The following TIMM17A variants were observed in gnomAD, a reference collection of about 807,000 sequenced individuals.
TIMM17A encodes translocase of inner mitochondrial membrane 17A, also known as mitochondrial import inner membrane translocase subunit Tim17-A.
Under a neutral mutation model 26.5 loss-of-function variants are expected in TIMM17A, and 15 were observed. The ratio of observed to expected loss-of-function variants is 0.57; its 90% CI spans 0.38 to 0.87. TIMM17A has a LOEUF of 0.87. Ranked by LOEUF, TIMM17A falls within the 40% of genes least tolerant of loss-of-function variation. The pLI, the probability that TIMM17A is intolerant of heterozygous loss-of-function variation, is 0.00. For missense variants in TIMM17A, 201 were observed against 210.0 expected (o/e 0.96, Z 0.27); for synonymous variants, 80 against 70.8 (o/e 1.13, Z -0.66).
At chr1:201,968,575 A>G (rs1191756049) in intron 5 of TIMM17A, among the ~76,000 whole-genome samples, 1 of 151,262 alleles carries the variant, frequency 6.6e-6, no homozygotes, top group Non-Finnish European at 1.5e-5. Context: ...TATTTTCAGT[A>G]GAGACGGGGT....
chr1:201,965,537 C>T lies in TIMM17A; in HGVS notation c.424C>T (p.Pro142Ser), dbSNP rs1459668155. Residue 142 changes from proline (P) to serine (S), a missense_variant, in exon 5 of 6, where the codon CCC becomes TCC. By Grantham distance (74) the Pro-to-Ser change is moderately conservative (BLOSUM62 -1). Transcript: ENST00000367287. ...GACAAGATTTGCCTCTGCACAGTTT[C>T]CCAATGGTGAGTCTTTTTGCTTAAA... is the stretch of plus-strand genomic sequence containing the variant. ...LLTRFASAQFPNGPQFAEDPS... is the reference protein window; with the variant it reads ...LLTRFASAQFSNGPQFAEDPS... The T allele has an allele frequency of 3.7e-6, 6 of 1,603,350 alleles. No individual in the cohort carries two copies. In the East Asian group the frequency reaches 8.9e-5, roughly 24 times the overall value.
At chr1:201,959,733 C>T (rs975613383) in intron 3 of TIMM17A, among the ~76,000 whole-genome samples, 3 of 150,318 alleles carry the variant, frequency 2.0e-5, no homozygotes, top group African/African-American at 4.9e-5. Context: ...CCAGCACTTT[C>T]GGAGGCCGAG....
intron 3 of TIMM17A, chr1:201,963,281 A>G: frequency 5.4e-6 from 1 of 186,110 alleles, no homozygotes. Context: ...TCGCCATGTT[A>G]GCCAGGCTGG....
At position 201,957,569 on chromosome 1, in the gene TIMM17A, TAGG is replaced by T. The variant is rs1436685129; in HGVS notation, c.189_190+1del. On this transcript the variant is annotated inframe_deletion and splice_region_variant, in exon 3 of 6. Transcript: ENST00000367287. ...GCTATTAAAACCAGGGCTCCACAGT[TAGG>T]AGGTAAGCAGAATTTTCATTTTAAC... 1 of 1,612,642 alleles carries T rather than the reference TAGG, an allele frequency of 6.2e-7. No individual in the cohort carries two copies. The highest frequency in any genetic ancestry group is 1.7e-5 in the Admixed American group (1 of 59,900).
At chr1:201,965,256 A>G (rs945925293) in intron 4 of TIMM17A, among the ~76,000 whole-genome samples, 177 bp from the exon 5 acceptor site, 1 of 152,178 alleles carries the variant, frequency 6.6e-6, no homozygotes, top group Non-Finnish European at 1.5e-5. Flanking sequence ...ATTTACAAAA[A>G]TAGGCAGTGG....
chr1:201,961,088 G>A (rs953880375), intron 3 of TIMM17A, among the ~76,000 whole-genome samples: 4 of 136,154 alleles, frequency 2.9e-5, no homozygotes, highest in Admixed American at 7.9e-5. Context: ...TTTTTGAAAC[G>A]GAATTTCGCT....
At chr1:201,960,158 G>C (rs1038295910) in intron 3 of TIMM17A, among the ~76,000 whole-genome samples, 7 of 152,050 alleles carry the variant, frequency 4.6e-5, no homozygotes, top group African/African-American at 7.2e-5. Flanking sequence ...CCAGCACTTC[G>C]GGAGGCTGAG....
chr1:201,967,530 TTTTA>T (rs1048100968), intron 5 of TIMM17A, among the ~76,000 whole-genome samples: 2 of 150,668 alleles, frequency 1.3e-5, no homozygotes, highest in African/African-American at 4.9e-5. Context: ...TATTTATTTA[TTTTA>T]TTTATTTATT....
At chr1:201,955,596 C>A in intron 1 of TIMM17A, 44 bp downstream of exon 1, 1 of 1,613,848 alleles carries the variant, frequency 6.2e-7, no homozygotes, top group Non-Finnish European at 8.5e-7. Context: ...CCCCCCTGCC[C>A]ACTGCCCTCC....
chr1:201,961,926 C>T (rs775640174), intron 3 of TIMM17A, among the ~76,000 whole-genome samples: 5 of 151,916 alleles, frequency 3.3e-5, no homozygotes, highest in African/African-American at 1.2e-4. Flanking sequence ...AGGCTGCCTT[C>T]CTTGAGAATC....
At position 201,969,515 on chromosome 1, in the gene TIMM17A, A is replaced by T; in HGVS notation, c.477A>T (p.Leu159Phe). ...EDPSQLPSTQ[L>F]PSSPFGDYRQ... ...CCTCCCAGTTGCCTTCAACTCAGTT[A>T]CCTTCCTCACCTTTTGGAGACTATC... The change falls in exon 6 of 6, where the codon TTA becomes TTT. Residue 159 changes from leucine (L) to phenylalanine (F), a missense_variant. By Grantham distance (22) the Leu-to-Phe change is conservative. Coordinates refer to ENST00000367287, the MANE Select transcript of TIMM17A (RefSeq NM_006335.3). 1 of 1,613,988 alleles carries T rather than the reference A, an allele frequency of 6.2e-7. No homozygotes were observed. The highest frequency in any genetic ancestry group is 8.5e-7 in the Non-Finnish European group (1 of 1,179,950).
chr1:201,957,689 C>CA, intron 3 of TIMM17A, 115 bp downstream of exon 3: 1 of 833,380 alleles, frequency 1.2e-6, no homozygotes, highest in East Asian at 2.6e-5. Flanking sequence ...AACGGTTTGT[C>CA]ACAAACATAT....
rs1302887757 is a variant in TIMM17A at position 201,969,646 on chromosome 1, G to A, written c.*92G>A. 1 of 1,097,744 alleles carries A rather than the reference G, an allele frequency of 9.1e-7. No individual in the cohort carries two copies. The highest frequency in any genetic ancestry group is 1.4e-6 in the Non-Finnish European group (1 of 720,934). 68.0% of individuals were successfully genotyped at this position (1,097,744 alleles called of 1,614,324 possible). ...TTACAGTCTGTTTTTAAAACCATAG[G>A]TGGGACAGCTATGGCCAATAGGCTA... is the stretch of plus-strand genomic sequence containing the variant. On this transcript the variant is annotated 3_prime_UTR_variant, in exon 6 of 6. Transcript: ENST00000367287.
Position 201,970,193 on chromosome 1 carries a change from C to G in TIMM17A, c.*639C>G, listed in dbSNP as rs1682709267. Reference sequence around the variant, plus strand: ...ACAAAACTCTCTTCCTTTAGGGCTACTGAGTCTTGATTCCTGATCATCAGA... The same window carrying G: ...ACAAAACTCTCTTCCTTTAGGGCTAGTGAGTCTTGATTCCTGATCATCAGA... On this transcript the variant is annotated 3_prime_UTR_variant, in exon 6 of 6. Transcript: ENST00000367287. 6.6e-6 allele frequency: 1 copy of G among 152,230 alleles called. No individual in the cohort carries two copies. Among genetic ancestry groups the G allele is most frequent in the Admixed American group, 6.5e-5 (1 of 15,274 alleles). The allele number at this position is 152,230 out of a possible 1,614,324, so 9.4% of individuals were successfully genotyped here. A position where few individuals can be genotyped will look rare whatever the true frequency, so the allele number is the denominator to read the frequency against.
chr1:201,956,955 C>CAAA (rs769517453), intron 1 of TIMM17A, among the ~76,000 whole-genome samples: 2 of 61,602 alleles, frequency 3.2e-5, no homozygotes, highest in Non-Finnish European at 3.5e-5. Flanking sequence ...GACTCCATCT[C>CAAA]AAAAAAAAAA....
At chr1:201,962,875 CAT>C (rs1682558894) in intron 3 of TIMM17A, 1 of 152,124 alleles carries the variant, frequency 6.6e-6, no homozygotes, top group African/African-American at 2.4e-5. Flanking sequence ...CGGTGATTTT[CAT>C]AGAGTAGATG....
intron 3 of TIMM17A, among the ~76,000 whole-genome samples, chr1:201,961,268 T>C (rs1166662115): frequency 6.6e-6 from 1 of 152,078 alleles, no homozygotes; most frequent in South Asian, 2.1e-4. Flanking sequence ...GGTTTCACCA[T>C]GTTGCCCAGG....
chr1:201,967,124 A>G (rs1243687018), intron 5 of TIMM17A, among the ~76,000 whole-genome samples: 1 of 151,686 alleles, frequency 6.6e-6, no homozygotes, highest in Non-Finnish European at 1.5e-5. Flanking sequence ...TGGAGCTTGG[A>G]AAAGATTCAG....
At chr1:201,960,261 G>A (rs1682501125) in intron 3 of TIMM17A, among the ~76,000 whole-genome samples, 1 of 152,072 alleles carries the variant, frequency 6.6e-6, no homozygotes, top group African/African-American at 2.4e-5. Context: ...TTAGCCGGGT[G>A]TGGTGGCAGG....
Sources: gnomAD v4.1 joint callset for allele counts (sites outside exome capture counted in the v4.1 genomes callset) on GRCh38, gnomAD v4.1.1 for gene constraint, MANE v1.5 for transcripts, NCBI Gene and HGNC (gene_info 2026-07-23, HGNC 2026-07-21) for gene names.